Variants in KANK4 observed in about 807,000 individuals in gnomAD.
The protein encoded by KANK4 is KN motif and ankyrin repeat domain-containing protein 4.
In KANK4, 50 loss-of-function variants were observed where a neutral mutation model predicts 80.8. That is an observed-to-expected ratio of 0.62 (90% CI 0.49 to 0.78). KANK4 has a LOEUF of 0.78. Among genes scored for constraint, KANK4 ranks in the 30% least tolerant of loss-of-function variants. The pLI, the probability that KANK4 is intolerant of heterozygous loss-of-function variation, is 0.00. For missense variants in KANK4, 1,196 were observed against 1,240.1 expected (o/e 0.96, Z 0.53); for synonymous variants, 465 against 506.9 (o/e 0.92, Z 1.11).
At chr1:62,296,155 G>A (rs922194962) in intron 1 of KANK4, among the ~76,000 whole-genome samples, 11 of 152,170 alleles carry the variant, frequency 7.2e-5, no homozygotes, top group Admixed American at 1.3e-4. Flanking sequence ...AATACCAAAC[G>A]GGAAGTGCAT....
chr1:62,273,505 T>C lies in KANK4; in HGVS notation c.1599A>G (p.Ala533=). The C allele has an allele frequency of 6.2e-7, 1 of 1,613,862 alleles. No homozygotes were observed. ...LWGSDRKTPP[A]GREETSSNLP... is the part of the protein sequence containing the mutation. ...GATTGGAACTGGTCTCCTCCCTCCC[T>C]GCTGGGGGAGTCTTTCTGTCGCTGC... is the stretch of plus-strand genomic sequence containing the variant. The change falls in exon 3 of 10, where the codon GCA becomes GCG. Residue 533 remains alanine (A), a synonymous_variant. Coordinates refer to ENST00000371153, the MANE Select transcript of KANK4 (RefSeq NM_181712.5).
chr1:62,250,072 G>A (rs1049955506), intron 8 of KANK4, among the ~76,000 whole-genome samples: 6 of 151,850 alleles, frequency 4.0e-5, no homozygotes, highest in African/African-American at 9.7e-5. Context: ...TGCAATCTCC[G>A]CCTCCTGGGT....
In KANK4 at chr1:62,273,728, T is replaced by C. The variant is rs117226725; in HGVS notation, c.1376A>G (p.Asp459Gly). 6.2e-7 allele frequency: 1 copy of C among 1,614,122 alleles called. No individual in the cohort carries two copies. Among genetic ancestry groups the C allele is most frequent in the African/African-American group, 1.3e-5 (1 of 75,040 alleles). ...GCTCTGATTCCCTTGTTTATGACCA[T>C]CTGGCCCCCATAGGAGGCCATTCTC... ...GEENGLLWGP[D>G]GHKQGNQSPA... The change falls in exon 3 of 10, where the codon GAT becomes GGT. Residue 459 changes from aspartate to glycine, a missense_variant. Transcript: ENST00000371153.
chr1:62,301,034 A>G (rs1488127765), intron 1 of KANK4, among the ~76,000 whole-genome samples: 6 of 152,044 alleles, frequency 3.9e-5, no homozygotes, highest in Non-Finnish European at 7.4e-5. Flanking sequence ...TGGCAGTTTC[A>G]TGAGTGTTGG....
At chr1:62,250,278 G>A (rs1320557291) in intron 8 of KANK4, among the ~76,000 whole-genome samples, 6 of 152,172 alleles carry the variant, frequency 3.9e-5, no homozygotes, top group South Asian at 2.1e-4. Context: ...GTGAGCCACC[G>A]TGCCCAGCCC....
intron 1 of KANK4, chr1:62,298,402 A>C (rs1644384807): frequency 6.6e-6 from 1 of 152,198 alleles, no homozygotes; most frequent in South Asian, 2.1e-4. Context: ...ATAAACCTGA[A>C]GATCTTGTTA....
At chr1:62,276,399 T>C (rs1453774030) in intron 2 of KANK4, among the ~76,000 whole-genome samples, 1 of 152,220 alleles carries the variant, frequency 6.6e-6, no homozygotes, top group Non-Finnish European at 1.5e-5. Flanking sequence ...TCTAGATCTC[T>C]GCTGTGTGAC....
chr1:62,283,900 C>CTG (rs1672504413), intron 1 of KANK4, among the ~76,000 whole-genome samples: 1 of 152,198 alleles, frequency 6.6e-6, no homozygotes, highest in Non-Finnish European at 1.5e-5. Context: ...AAAAAGAACT[C>CTG]TGTAGAGACC....
intron 8 of KANK4, among the ~76,000 whole-genome samples, chr1:62,251,161 T>C (rs1454862532): frequency 1.3e-5 from 2 of 152,192 alleles, no homozygotes; most frequent in Non-Finnish European, 2.9e-5. Flanking sequence ...TTCCCTACAC[T>C]CAGGTGTCCT....
intron 1 of KANK4, among the ~76,000 whole-genome samples, chr1:62,295,851 G>A (rs1644359128): frequency 6.6e-6 from 1 of 152,222 alleles, no homozygotes; most frequent in Non-Finnish European, 1.5e-5. Context: ...CCAGAGAACT[G>A]CTCATACTTC....
chr1:62,250,686 C>A (rs2457807), intron 8 of KANK4, among the ~76,000 whole-genome samples: 1 of 145,782 alleles, frequency 6.9e-6, no homozygotes, highest in African/African-American at 2.5e-5. Flanking sequence ...TTGCAAGCAA[C>A]CCCTCTTACA....
intron 8 of KANK4, among the ~76,000 whole-genome samples, chr1:62,248,077 G>C (rs1467189857): frequency 6.6e-6 from 1 of 152,234 alleles, no homozygotes; most frequent in East Asian, 1.9e-4. Flanking sequence ...GAATGCTTGA[G>C]CATCATGGCT....
intron 1 of KANK4, among the ~76,000 whole-genome samples, chr1:62,285,569 TGTG>T (rs1360741385): frequency 6.6e-6 from 1 of 152,184 alleles, no homozygotes; most frequent in African/African-American, 2.4e-5. Flanking sequence ...ATAATAAAAA[TGTG>T]GTATTTCATC....
rs542147263 is a variant in KANK4 at position 62,258,696 on chromosome 1, T to C, written c.2539+4396A>G. On this transcript the variant is annotated intron_variant, in intron 7 of 9. Transcript: ENST00000371153. ...CTGGTCTAGGTGTTAGGGAAACAGA[T>C]AAGACAGACAGGAGCCCCTTTTGAG... Among the ~76,000 whole-genome samples, 116 of 152,306 alleles carry C rather than the reference T, an allele frequency of 7.6e-4. 5 individuals carry two copies. The South Asian group carries it at 0.022, about 29-fold the overall frequency.
intron 1 of KANK4, among the ~76,000 whole-genome samples, chr1:62,305,883 A>G (rs376414402): frequency 4.6e-5 from 7 of 152,298 alleles, no homozygotes; most frequent in Admixed American, 2.0e-4. Flanking sequence ...GGAAGGAATT[A>G]TCATCTCCAT....
intron 9 of KANK4, among the ~76,000 whole-genome samples, chr1:62,245,577 C>A (rs1379677255): frequency 6.6e-6 from 1 of 152,160 alleles, no homozygotes; most frequent in Non-Finnish European, 1.5e-5. Context: ...CATTAAATTA[C>A]AGTGCCAATA....
chr1:62,238,620 GTT>G, intron 9 of KANK4, among the ~76,000 whole-genome samples: 1 of 149,274 alleles, frequency 6.7e-6, no homozygotes, highest in East Asian at 2.0e-4. Context: ...GGGCCATCTA[GTT>G]TTTAATGCTC....
chr1:62,273,343 G>T lies in KANK4; in HGVS notation c.1761C>A (p.Ser587Arg), dbSNP rs146927673. ...CLEHGYPELA[S>R]AIKQPASKLS... ...GCTTGGAGGCTGGCTGCTTGATGGC[G>T]CTGGCCAGCTCCGGGTACCCATGCT... The change falls in exon 3 of 10, where the codon AGC (serine) becomes AGA (arginine). Residue 587 changes from serine (S) to arginine (R), a missense_variant. Transcript: ENST00000371153. 2 of 1,608,204 alleles carry T rather than the reference G, an allele frequency of 1.2e-6. No individual in the cohort carries two copies. The highest frequency in any genetic ancestry group is 4.5e-5 in the East Asian group (2 of 44,714).
At chr1:62,243,366 T>A (rs1671391098) in intron 9 of KANK4, among the ~76,000 whole-genome samples, 1 of 150,328 alleles carries the variant, frequency 6.7e-6, no homozygotes, top group South Asian at 2.1e-4. Context: ...TGAGACAGAG[T>A]TTTGTTCTTT....
Sources: gnomAD v4.1 joint callset for allele counts (sites outside exome capture counted in the v4.1 genomes callset) on GRCh38, gnomAD v4.1.1 for gene constraint, MANE v1.5 for transcripts, NCBI Gene and HGNC (gene_info 2026-07-23, HGNC 2026-07-21) for gene names.